Variants in CPA1 observed in about 807,000 individuals in gnomAD.
CPA1 encodes the protein carboxypeptidase A1.
Under a neutral mutation model 48.7 loss-of-function variants are expected in CPA1, and 42 were observed. That is an observed-to-expected ratio of 0.86 (90% CI 0.67 to 1.11). CPA1 has a LOEUF of 1.11. CPA1 is among the 50% of genes most tolerant of loss of function. The probability of loss-of-function intolerance (pLI) is 0.00; values close to 1 mark genes in which losing one functional copy is unlikely to be tolerated. For missense variants in CPA1, 477 were observed against 544.7 expected (o/e 0.88, Z 1.24); for synonymous variants, 203 against 217.9 (o/e 0.93, Z 0.60).
Position 130,381,863 on chromosome 7 carries a change from G to A in CPA1, c.381G>A (p.Glu127=). 6.2e-7 allele frequency: 1 copy of A among 1,613,044 alleles called. No individual in the cohort carries two copies. The change falls in exon 3 of 10, where the codon GAG becomes GAA. Residue 127 remains glutamate (E), a splice_region_variant and synonymous_variant. Transcript: ENST00000011292. ...FNYATYHTLE[E]IYDFLDLLVA... ...ACGCCACCTACCACACCCTGGAGGA[G>A]GTGAGGGCGCCCCTAGCGGCCGCTC...
rs28741972 is a variant in CPA1, at chr7:130,385,939, G to C, written c.1072+16G>C. The stretch of plus-strand genomic sequence containing the variant: ...AAGGCAATTTGTAAGTGGCCGTAGG[G>C]TCTCTCTTGATGGGCCTGCGAGGAA... On this transcript the variant is annotated intron_variant, in intron 9 of 9. Coordinates refer to ENST00000011292, the MANE Select transcript of CPA1 (RefSeq NM_001868.4). The C allele has an allele frequency of 2.0e-3, 3,144 of 1,606,454 alleles. 38 individuals are homozygous for C. The African/African-American group carries it at 0.031, about 16-fold the overall frequency.
rs781796250 is a variant in CPA1, at chr7:130,382,214, C to T, written c.483+5C>T. The stretch of plus-strand genomic sequence containing the variant: ...CGTCCCATTTACGTGCTGAAGGTAA[C>T]ATCCACATGTGGACATACACAGGGG... On this transcript the variant is annotated splice_donor_5th_base_variant and intron_variant, in intron 4 of 9. Transcript: ENST00000011292. 1.2e-6 allele frequency: 2 copies of T among 1,610,036 alleles called. No homozygotes were observed. Among genetic ancestry groups the T allele is most frequent in the Non-Finnish European group, 1.7e-6 (2 of 1,176,278 alleles).
chr7:130,381,336 C>A (rs781808751), intron 2 of CPA1, among the ~76,000 whole-genome samples, 157 bp downstream of exon 2: 1 of 152,042 alleles, frequency 6.6e-6, no homozygotes, highest in Non-Finnish European at 1.5e-5. Context: ...AGCTCCAGAG[C>A]CTTGCTGCCC....
At chr7:130,384,454 C>A in intron 6 of CPA1, 82 bp from the exon 7 acceptor site, 1 of 1,202,750 alleles carries the variant, frequency 8.3e-7, no homozygotes, top group Non-Finnish European at 1.2e-6. Flanking sequence ...CTGCTCTCTG[C>A]AGCCTCTGAA....
Position 130,381,710 on chromosome 7 carries a change from G to A in CPA1, c.228G>A (p.Lys76=). 6.2e-7 allele frequency: 1 copy of A among 1,614,140 alleles called. No individual in the cohort carries two copies. The highest frequency in any genetic ancestry group is 1.3e-5 in the African/African-American group (1 of 75,060). ...CCTTCCCCAGCATCCAGGCGGTCAAGATCTTTCTGGAGTCCCACGGCATCA... is the reference window on the plus strand; with the variant it reads ...CCTTCCCCAGCATCCAGGCGGTCAAAATCTTTCTGGAGTCCCACGGCATCA... ...RVPFPSIQAV[K]IFLESHGISY... The change falls in exon 3 of 10, where the codon AAG becomes AAA. Residue 76 remains lysine, a synonymous_variant. Transcript: ENST00000011292.
chr7:130,382,156 A>G lies in CPA1; in HGVS notation c.430A>G (p.Ser144Gly), dbSNP rs782049899. ...LLVAENPHLV[S>G]KIQIGNTYEG... The stretch of plus-strand genomic sequence containing the variant: ...GGTGGCGGAGAACCCGCACCTTGTC[A>G]GCAAGATCCAGATTGGCAACACCTA... The change falls in exon 4 of 10, where the codon AGC (serine) becomes GGC (glycine). Residue 144 changes from serine (S) to glycine (G), a missense_variant. Coordinates refer to ENST00000011292, the MANE Select transcript of CPA1 (RefSeq NM_001868.4). 1 of 1,614,240 alleles carries G rather than the reference A, an allele frequency of 6.2e-7. No individual in the cohort carries two copies. Among genetic ancestry groups the G allele is most frequent in the Non-Finnish European group, 8.5e-7 (1 of 1,180,046 alleles).
In CPA1 at chr7:130,383,940, G is replaced by A. The variant is rs562783283; in HGVS notation, c.696+146G>A. ...TCCTAGCCGAGGGTGTCTCAACAGT[G>A]GCGTGATTGGCATTTGGGGTGAATG... On this transcript the variant is annotated intron_variant, in intron 6 of 9. Coordinates refer to ENST00000011292, the MANE Select transcript of CPA1 (RefSeq NM_001868.4). 4.8e-4 allele frequency: 320 copies of A among 670,332 alleles called. No individual in the cohort carries two copies. In the African/African-American group the frequency reaches 4.8e-3, roughly 10 times the overall value. 41.5% of individuals were successfully genotyped at this position (670,332 alleles called of 1,614,324 possible). A position where few individuals can be genotyped will look rare whatever the true frequency, so the allele number is the denominator to read the frequency against.
At chr7:130,384,326 C>T (rs781917813) in intron 6 of CPA1, 4 of 588,444 alleles carry the variant, frequency 6.8e-6, no homozygotes, top group Non-Finnish European at 1.2e-5. Context: ...GCTGATCTTC[C>T]TCCCCGACAA....
intron 1 of CPA1, 64 bp from the exon 2 acceptor site, chr7:130,381,034 G>C: frequency 7.6e-7 from 1 of 1,323,934 alleles, no homozygotes; most frequent in Non-Finnish European, 1.1e-6. Flanking sequence ...CCTGCACCTG[G>C]GGAGTGCTTG....
Position 130,381,117 on chromosome 7 carries a change from T to G in CPA1, c.85T>G (p.Ser29Ala). 6.2e-7 allele frequency: 1 copy of G among 1,613,502 alleles called. No individual in the cohort carries two copies. The highest frequency in any genetic ancestry group is 8.5e-7 in the Non-Finnish European group (1 of 1,179,764). ...DFVGHQVLRISVADEAQVQKV... is the reference protein window; with the variant it reads ...DFVGHQVLRIAVADEAQVQKV... ...GCCCAGGCATCAGGTGCTCCGAATCTCTGTAGCCGATGAGGCCCAGGTACA... is the reference window on the plus strand; with the variant it reads ...GCCCAGGCATCAGGTGCTCCGAATCGCTGTAGCCGATGAGGCCCAGGTACA... Residue 29 changes from serine (S) to alanine (A), a missense_variant, in exon 2 of 10, where the codon TCT (serine) becomes GCT (alanine). Physicochemically the swap from Ser to Ala is moderately conservative, Grantham distance 99. Coordinates refer to ENST00000011292, the MANE Select transcript of CPA1 (RefSeq NM_001868.4).
rs1396425908 is a variant in CPA1, at chr7:130,384,547, G to A, written c.708G>A (p.Trp236Ter). 6.2e-7 allele frequency: 1 copy of A among 1,614,068 alleles called. No homozygotes were observed. Among genetic ancestry groups the A allele is most frequent in the African/African-American group, 1.3e-5 (1 of 74,926 alleles). ...ATTTCCTTCCTCAGAATCGCATGTG[G>A]CGCAAGACTCGGTCCCACACAGCAG... ...FAFTHSTNRM[W>*]RKTRSHTAGS... Residue 236 changes from tryptophan (W) to a stop codon, truncating the protein, a stop_gained, in exon 7 of 10, where the codon TGG (tryptophan) becomes TGA (stop). Coordinates refer to ENST00000011292, the MANE Select transcript of CPA1 (RefSeq NM_001868.4). LOFTEE classifies it high-confidence loss of function.
At chr7:130,385,679 G>A (rs999357630) in intron 8 of CPA1, among the ~76,000 whole-genome samples, 160 bp from the exon 9 acceptor site, 11 of 152,310 alleles carry the variant, frequency 7.2e-5, no homozygotes, top group South Asian at 4.1e-4. Flanking sequence ...ACAGGCTCCC[G>A]GGCTGAGCTT....
chr7:130,385,403 G>A, intron 8 of CPA1, 58 bp downstream of exon 8: 1 of 1,512,382 alleles, frequency 6.6e-7, no homozygotes, highest in Non-Finnish European at 9.2e-7. Context: ...ACAGGCCCAG[G>A]CTTTCCCCCA....
chr7:130,382,958 T>C (rs541011805), intron 4 of CPA1, among the ~76,000 whole-genome samples: 1 of 151,844 alleles, frequency 6.6e-6, no homozygotes, highest in Admixed American at 6.5e-5. Flanking sequence ...TTTTTATATT[T>C]TTAGTAGAGA....
intron 8 of CPA1, 105 bp downstream of exon 8, chr7:130,385,450 C>G: frequency 1.9e-6 from 2 of 1,025,922 alleles, no homozygotes; most frequent in Non-Finnish European, 3.0e-6. Flanking sequence ...TCCAGAGTAC[C>G]TGACACCCTT....
chr7:130,384,659 G>T (rs782581515), intron 7 of CPA1, 33 bp downstream of exon 7: 31 of 1,568,580 alleles, frequency 2.0e-5, no homozygotes, highest in Non-Finnish European at 2.7e-5. Flanking sequence ...AGCAAGGATG[G>T]GATGGCCTCG....
chr7:130,380,509 C>A lies in CPA1; in HGVS notation c.-12C>A. On this transcript the variant is annotated 5_prime_UTR_variant, in exon 1 of 10. Coordinates refer to ENST00000011292, the MANE Select transcript of CPA1 (RefSeq NM_001868.4). Reference sequence around the variant, plus strand: ...TCTCGACCTCAGTCTGACCTTCCCTCCCGGCAGCAGCATGCGGGGGTTGCT... The same window carrying A: ...TCTCGACCTCAGTCTGACCTTCCCTACCGGCAGCAGCATGCGGGGGTTGCT... The A allele has an allele frequency of 7.6e-7, 1 of 1,313,782 alleles. No individual in the cohort carries two copies. The allele number at this position is 1,313,782 out of a possible 1,614,324, so 81.4% of individuals were successfully genotyped here.
At chr7:130,385,399 C>T (rs944427701) in intron 8 of CPA1, 54 bp downstream of exon 8, 1 of 1,519,252 alleles carries the variant, frequency 6.6e-7, no homozygotes, top group Non-Finnish European at 9.1e-7. Flanking sequence ...TCGGACAGGC[C>T]CAGGCTTTCC....
chr7:130,383,926 G>A, intron 6 of CPA1, 132 bp downstream of exon 6: 1 of 729,628 alleles, frequency 1.4e-6, no homozygotes, highest in Admixed American at 2.0e-5. Context: ...CCTAGCCGAG[G>A]GTGTCTCAAC....
Sources: allele counts gnomAD v4.1 joint callset (sites outside exome capture counted in the v4.1 genomes callset), GRCh38; gene constraint gnomAD v4.1.1; transcripts MANE v1.5; gene names NCBI Gene and HGNC (gene_info 2026-07-23, HGNC 2026-07-21).